The following HACD3 variants were observed in gnomAD, a reference collection of about 807,000 sequenced individuals.
HACD3 encodes 3-hydroxyacyl-CoA dehydratase 3.
In HACD3, 30 loss-of-function variants were observed where a neutral mutation model predicts 55.2. The observed-to-expected ratio is 0.54, with a 90% CI of 0.41 to 0.74. The LOEUF (loss-of-function observed/expected upper bound fraction) is 0.74. Among genes scored for constraint, HACD3 ranks in the 30% least tolerant of loss-of-function variants. The pLI, the probability that HACD3 is intolerant of heterozygous loss-of-function variation, is 0.00. For synonymous variants in HACD3, 141 were observed against 151.7 expected, an observed-to-expected ratio of 0.93 and a Z score of 0.52; for missense variants, 363 against 440.1, an observed-to-expected ratio of 0.82 and a Z score of 1.57.
chr15:65,567,163 A>C (rs1399405832), intron 7 of HACD3, among the ~76,000 whole-genome samples: 1 of 151,562 alleles, frequency 6.6e-6, no homozygotes, highest in African/African-American at 2.4e-5. Context: ...TTTCTAAAAA[A>C]ATAAAAATTT....
chr15:65,530,698 G>T lies in HACD3; in HGVS notation c.67G>T (p.Val23Leu). ...AQRHRELYLR[V>L]ELSDVQNPAI... ...GCGACACCGCGAGCTATATCTGCGCGTGGAGCTGAGTGACGTACAGGTAAA... is the reference window on the plus strand; with the variant it reads ...GCGACACCGCGAGCTATATCTGCGCTTGGAGCTGAGTGACGTACAGGTAAA... Residue 23 changes from valine to leucine, a missense_variant, in exon 1 of 11, where the codon GTG becomes TTG. Physicochemically the swap from Val to Leu is conservative, Grantham distance 32. Coordinates refer to ENST00000261875, the MANE Select transcript of HACD3 (RefSeq NM_016395.4). 2.5e-6 allele frequency: 4 copies of T among 1,570,000 alleles called. No homozygotes were observed. Among genetic ancestry groups the T allele is most frequent in the African/African-American group, 1.4e-5 (1 of 73,462 alleles).
Position 65,576,416 on chromosome 15 carries a change from C to A in HACD3, c.*37C>A. 1 of 1,547,840 alleles carries A rather than the reference C, an allele frequency of 6.5e-7. No individual in the cohort carries two copies. The highest frequency in any genetic ancestry group is 8.7e-7 in the Non-Finnish European group (1 of 1,146,798). On this transcript the variant is annotated 3_prime_UTR_variant, in exon 11 of 11. Coordinates refer to ENST00000261875, the MANE Select transcript of HACD3 (RefSeq NM_016395.4). ...TAGATGGCTTCTTGCCAGTTTGAGC[C>A]TAATCTGATTCTTACAGTTTTACCT...
chr15:65,535,681 G>A (rs1004503602), intron 1 of HACD3: 1 of 441,222 alleles, frequency 2.3e-6, no homozygotes, highest in African/African-American at 2.0e-5. Context: ...TCTGTGATCA[G>A]TGATCTTTGA....
chr15:65,575,710 T>C (rs1337020235), intron 10 of HACD3, among the ~76,000 whole-genome samples: 1 of 152,178 alleles, frequency 6.6e-6, no homozygotes, highest in Non-Finnish European at 1.5e-5. Context: ...ATAGCCAATA[T>C]AGTAAAAAGC....
chr15:65,543,855 G>A (rs755323089), intron 1 of HACD3, among the ~76,000 whole-genome samples: 21 of 152,190 alleles, frequency 1.4e-4, no homozygotes, highest in Non-Finnish European at 2.8e-4. Context: ...AATGGTAATG[G>A]AATTTGGCTG....
intron 1 of HACD3, among the ~76,000 whole-genome samples, chr15:65,543,086 AAAAG>A (rs1234279923): frequency 1.1e-4 from 17 of 151,810 alleles, no homozygotes; most frequent in East Asian, 1.9e-4. Context: ...AAAAAAAAAA[AAAAG>A]AAAGAAAAGA....
chr15:65,535,857 AT>A, intron 1 of HACD3: 1 of 576,708 alleles, frequency 1.7e-6, no homozygotes, highest in Non-Finnish European at 3.1e-6. Flanking sequence ...CTAATTTTCA[AT>A]TTTTTAATTT....
chr15:65,572,918 A>AT (rs1455852208), intron 10 of HACD3, among the ~76,000 whole-genome samples: 26 of 134,468 alleles, frequency 1.9e-4, no homozygotes, highest in African/African-American at 4.3e-4. Flanking sequence ...TTGTCTCAAA[A>AT]AAAAAAAAAA....
chr15:65,576,271 C>CT (rs1360573073), intron 10 of HACD3, 32 bp from the exon 11 acceptor site: 1 of 1,561,644 alleles, frequency 6.4e-7, no homozygotes, highest in East Asian at 2.3e-5. Flanking sequence ...GACAAAGACT[C>CT]TAATTTCTAA....
intron 1 of HACD3, among the ~76,000 whole-genome samples, chr15:65,534,724 A>C (rs986762749): frequency 1.3e-5 from 2 of 152,222 alleles, no homozygotes; most frequent in East Asian, 3.8e-4. Flanking sequence ...CTTATGCTCT[A>C]GTGACCATGA....
Position 65,547,410 on chromosome 15 carries a change from C to T in HACD3, c.88-4266C>T, listed in dbSNP as rs530195528. Among the ~76,000 whole-genome samples the T allele has an allele frequency of 2.0e-5, 3 of 152,300 alleles. 1 individual carries two copies. Among genetic ancestry groups the T allele is most frequent in the East Asian group, 1.9e-4 (1 of 5,188 alleles). On this transcript the variant is annotated intron_variant, in intron 1 of 10. Transcript: ENST00000261875. Reference sequence around the variant, plus strand: ...GATTACAGGCATGAGCCACCGCGCCCGGCCAAGTACCCATGATTTTTATTG... The same window carrying T: ...GATTACAGGCATGAGCCACCGCGCCTGGCCAAGTACCCATGATTTTTATTG...
At chr15:65,531,777 G>T (rs2071903248) in intron 1 of HACD3, among the ~76,000 whole-genome samples, 1 of 152,024 alleles carries the variant, frequency 6.6e-6, no homozygotes, top group South Asian at 2.1e-4. Flanking sequence ...TGTTGGCCAG[G>T]CTGGTCTCGA....
Position 65,556,774 on chromosome 15 carries a change from T to G in HACD3, c.240T>G (p.Ile80Met). The G allele has an allele frequency of 6.2e-7, 1 of 1,611,852 alleles. No homozygotes were observed. Among genetic ancestry groups the G allele is most frequent in the Non-Finnish European group, 8.5e-7 (1 of 1,178,908 alleles). Residue 80 changes from isoleucine to methionine, a missense_variant, in exon 4 of 11, where the codon ATT (isoleucine) becomes ATG (methionine). Physicochemically the swap from Ile to Met is conservative, Grantham distance 10 (BLOSUM62 1). Coordinates refer to ENST00000261875, the MANE Select transcript of HACD3 (RefSeq NM_016395.4). The part of the protein sequence containing the change: ...VYKLTQRQVN[I>M]TVQKKVSQWW... ...AACTGACCCAGAGGCAGGTAAACAT[T>G]ACAGTACAGAAGAAAGTGAGTCAGT...
intron 5 of HACD3, among the ~76,000 whole-genome samples, chr15:65,562,275 G>A (rs1033799911): frequency 6.6e-6 from 1 of 152,186 alleles, no homozygotes; most frequent in Admixed American, 6.5e-5. Context: ...GACCCTCTCT[G>A]GAATGAGGGT....
At chr15:65,541,996 C>T (rs552829889) in intron 1 of HACD3, among the ~76,000 whole-genome samples, 10 of 151,898 alleles carry the variant, frequency 6.6e-5, no homozygotes, top group African/African-American at 1.2e-4. Flanking sequence ...TTTGGGAGGC[C>T]GAGGTGGGCA....
At chr15:65,539,210 CTTTTTTTTTTTT>C (rs71139414) in intron 1 of HACD3, among the ~76,000 whole-genome samples, 1 of 54,310 alleles carries the variant, frequency 1.8e-5, no homozygotes, top group African/African-American at 7.9e-5. Context: ...AGTGACAGGA[CTTTTTTTTTTTT>C]TTTTTTTTTT....
intron 1 of HACD3, among the ~76,000 whole-genome samples, chr15:65,537,934 GAAAAAAAAA>G (rs1167167112): frequency 0.022 from 522 of 23,684 alleles, 5 homozygotes; most frequent in East Asian, 0.049. Context: ...CAACTTCTCA[GAAAAAAAAA>G]AAAAAAAAAA....
intron 10 of HACD3, among the ~76,000 whole-genome samples, chr15:65,572,914 C>CAAAAAAAAAAAAA (rs60226731): frequency 1.9e-5 from 2 of 106,410 alleles, no homozygotes; most frequent in Non-Finnish European, 2.1e-5. Context: ...GACTTTGTCT[C>CAAAAAAAAAAAAA]AAAAAAAAAA....
In HACD3 at chr15:65,562,762, T is replaced by C; in HGVS notation, c.422-12T>C. 6.2e-7 allele frequency: 1 copy of C among 1,612,976 alleles called. No homozygotes were observed. Among genetic ancestry groups the C allele is most frequent in the East Asian group, 2.2e-5 (1 of 44,852 alleles). ...TGCTTTTAATAGCTTACTGCTTTGC[T>C]TTGCTTTACAGCTCTTACAAACTTA... is the stretch of plus-strand genomic sequence containing the variant. On this transcript the variant is annotated splice_polypyrimidine_tract_variant and intron_variant, in intron 5 of 10. Transcript: ENST00000261875.
Sources: allele counts gnomAD v4.1 joint callset (sites outside exome capture counted in the v4.1 genomes callset), GRCh38; gene constraint gnomAD v4.1.1; transcripts MANE v1.5; gene names NCBI Gene and HGNC (gene_info 2026-07-23, HGNC 2026-07-21).